Variants in ATP2B2 observed in about 807,000 individuals in gnomAD.
The protein encoded by ATP2B2 is plasma membrane calcium-transporting ATPase 2.
Under a neutral mutation model 120.0 loss-of-function variants are expected in ATP2B2, and 15 were observed. The ratio of observed to expected loss-of-function variants is 0.12; its 90% CI spans 0.08 to 0.19. The LOEUF (loss-of-function observed/expected upper bound fraction) is 0.19. ATP2B2 is among the 10% of genes least tolerant of loss of function. The pLI, the probability that ATP2B2 is intolerant of heterozygous loss-of-function variation, is 1.00. For missense variants in ATP2B2, 1,045 were observed against 1,719.8 expected (o/e 0.61, Z 6.94); for synonymous variants, 694 against 700.3 (o/e 0.99, Z 0.14).
At chr3:10,637,580 A>G (rs2125646900) in intron 1 of ATP2B2, among the ~76,000 whole-genome samples, 1 of 152,346 alleles carries the variant, frequency 6.6e-6, no homozygotes, top group African/African-American at 2.4e-5. Context: ...TAGCAATAGA[A>G]ACTACCCAAA....
At chr3:10,362,381 G>C (rs1382343028) in intron 12 of ATP2B2, among the ~76,000 whole-genome samples, 1 of 152,216 alleles carries the variant, frequency 6.6e-6, no homozygotes, top group East Asian at 1.9e-4. Context: ...CGGGCCCAAA[G>C]AGCAGACCCG....
At chr3:10,360,144 G>A (rs2060855610) in intron 12 of ATP2B2, 21 bp from the exon 13 acceptor site, 7 of 1,568,446 alleles carry the variant, frequency 4.5e-6, no homozygotes, top group South Asian at 1.2e-5. Context: ...AGGAAGGAGC[G>A]GCTGGCACCT....
intron 3 of ATP2B2, among the ~76,000 whole-genome samples, chr3:10,529,191 A>G (rs1297535865): frequency 6.6e-6 from 1 of 152,264 alleles, no homozygotes; most frequent in Non-Finnish European, 1.5e-5. Context: ...CCACCCAGGA[A>G]GGACATTACT....
intron 8 of ATP2B2, 128 bp downstream of exon 8, chr3:10,385,126 CATGTGAGAAGGTGA>C: frequency 2.4e-6 from 2 of 836,814 alleles, no homozygotes; most frequent in Non-Finnish European, 4.0e-6. Context: ...GCGCCTGCCC[CATGTGAGAAGGTGA>C]CTGTCCCAGC....
intron 1 of ATP2B2, among the ~76,000 whole-genome samples, chr3:10,473,095 C>G (rs58312128): frequency 1.3e-5 from 2 of 152,248 alleles, no homozygotes; most frequent in Admixed American, 1.3e-4. Context: ...CAGGAACCTT[C>G]TGTGGCTCCC....
At chr3:10,481,295 C>G (rs1019529288) in intron 1 of ATP2B2, among the ~76,000 whole-genome samples, 1 of 152,132 alleles carries the variant, frequency 6.6e-6, no homozygotes, top group African/African-American at 2.4e-5. Flanking sequence ...CTGGCTGATC[C>G]TCCCTCACCC....
intron 10 of ATP2B2, among the ~76,000 whole-genome samples, chr3:10,377,446 G>A (rs2061412310): frequency 6.6e-6 from 1 of 152,214 alleles, no homozygotes; most frequent in African/African-American, 2.4e-5. Context: ...ATTAGAGCTG[G>A]GGAGACAGCC....
chr3:10,359,075 G>A (rs2125447311), intron 13 of ATP2B2, 150 bp from the exon 14 acceptor site: 2 of 789,352 alleles, frequency 2.5e-6, no homozygotes, highest in South Asian at 1.8e-5. Flanking sequence ...GTGAAATCAA[G>A]CATTCGTCCT....
intron 1 of ATP2B2, among the ~76,000 whole-genome samples, chr3:10,665,527 A>ACT (rs1319790224): frequency 6.6e-6 from 1 of 151,646 alleles, no homozygotes; most frequent in African/African-American, 2.4e-5. Context: ...GCTGGGAGAG[A>ACT]CCCTTATCTG....
chr3:10,694,539 G>A (rs1398238337), intron 1 of ATP2B2, among the ~76,000 whole-genome samples: 1 of 152,208 alleles, frequency 6.6e-6, no homozygotes, highest in African/African-American at 2.4e-5. Context: ...GACCACAGCT[G>A]TTTAACACAT....
chr3:10,438,763 C>T (rs1035995297), intron 2 of ATP2B2, among the ~76,000 whole-genome samples: 5 of 152,156 alleles, frequency 3.3e-5, no homozygotes, highest in Admixed American at 1.3e-4. Flanking sequence ...GAACTCGAGG[C>T]GTTTGTGGGA....
intron 1 of ATP2B2, among the ~76,000 whole-genome samples, chr3:10,627,622 G>A (rs1273819021): frequency 6.6e-6 from 1 of 152,166 alleles, no homozygotes; most frequent in African/African-American, 2.4e-5. Context: ...GTGCAAGGTC[G>A]GGTGTAATAG....
chr3:10,488,699 G>C (rs1350666288), intron 1 of ATP2B2, among the ~76,000 whole-genome samples: 1 of 152,042 alleles, frequency 6.6e-6, no homozygotes, highest in Non-Finnish European at 1.5e-5. Context: ...AATCCTGTCT[G>C]CTCTACCTCT....
intron 2 of ATP2B2, among the ~76,000 whole-genome samples, chr3:10,567,387 G>A (rs1194250246): frequency 6.6e-6 from 1 of 152,206 alleles, no homozygotes; most frequent in Non-Finnish European, 1.5e-5. Context: ...CCTGTGTTAG[G>A]AGACAGGCAA....
intron 3 of ATP2B2, among the ~76,000 whole-genome samples, chr3:10,408,401 G>C (rs1390033774): frequency 1.3e-5 from 2 of 152,294 alleles, no homozygotes; most frequent in South Asian, 4.1e-4. Flanking sequence ...CCTGACTTGG[G>C]GCACAGGAGC....
intron 1 of ATP2B2, among the ~76,000 whole-genome samples, chr3:10,691,812 T>C (rs1345362696): frequency 4.6e-5 from 7 of 152,198 alleles, no homozygotes; most frequent in Admixed American, 4.6e-4. Context: ...AGATGATCCA[T>C]GAACACCATA....
At chr3:10,410,935 G>T in intron 2 of ATP2B2, 120 bp from the exon 3 acceptor site, 1 of 1,204,814 alleles carries the variant, frequency 8.3e-7, no homozygotes, top group Non-Finnish European at 1.2e-6. Flanking sequence ...TGGCCCAGGA[G>T]CCCAACATCT....
intron 1 of ATP2B2, among the ~76,000 whole-genome samples, chr3:10,485,313 G>T (rs1324220630): frequency 1.1e-4 from 16 of 152,250 alleles, no homozygotes; most frequent in Admixed American, 1.0e-3. Context: ...GAGGCTCAGA[G>T]AGGTGAGGTT....
At chr3:10,489,225 T>C (rs1328541799) in intron 1 of ATP2B2, among the ~76,000 whole-genome samples, 1 of 152,190 alleles carries the variant, frequency 6.6e-6, no homozygotes, top group African/African-American at 2.4e-5. Context: ...TCTCCCTTCA[T>C]CTGCTTTATT....
Sources: gnomAD v4.1 joint callset for allele counts (sites outside exome capture counted in the v4.1 genomes callset) on GRCh38, gnomAD v4.1.1 for gene constraint, MANE v1.5 for transcripts, NCBI Gene and HGNC (gene_info 2026-07-23, HGNC 2026-07-21) for gene names.